CDK10: variants seen among roughly 807,000 people sequenced by gnomAD.
CDK10 encodes cyclin dependent kinase 10, also known as cyclin-dependent kinase 10.
CDK10 carries 55 observed loss-of-function variants against 51.0 expected under a neutral mutation model. The observed-to-expected ratio is 1.08, with a 90% CI of 0.87 to 1.35. The LOEUF is 1.35. CDK10 is among the 40% of genes most tolerant of loss of function. The pLI is 0.00. For synonymous variants in CDK10, 255 were observed against 199.1 expected (o/e 1.28, Z -2.36); for missense variants, 589 against 485.1 (o/e 1.21, Z -2.01).
chr16:89,693,345 A>T lies in CDK10; in HGVS notation c.538+19A>T. The stretch of plus-strand genomic sequence containing the variant: ...AAGACAGGTGGGTGCAACTTGGGCC[A>T]GGCCCTGTCCCTAGATGGCACTTGG... On this transcript the variant is annotated intron_variant, in intron 7 of 12. Coordinates refer to ENST00000353379, the MANE Select transcript of CDK10 (RefSeq NM_052988.5). 6.2e-7 allele frequency: 1 copy of T among 1,614,130 alleles called. No individual in the cohort carries two copies. The highest frequency in any genetic ancestry group is 8.5e-7 in the Non-Finnish European group (1 of 1,180,028).
chr16:89,694,109 C>G, intron 8 of CDK10, 64 bp from the exon 9 acceptor site: 1 of 1,523,228 alleles, frequency 6.6e-7, no homozygotes, highest in Non-Finnish European at 9.1e-7. Flanking sequence ...GAGGCTGTGT[C>G]CTGTGGAGGC....
Position 89,690,488 on chromosome 16 carries a change from T to C in CDK10, c.161-65T>C, listed in dbSNP as rs917013328. 6.3e-6 allele frequency: 9 copies of C among 1,433,168 alleles called. No homozygotes were observed. In the African/African-American group the frequency reaches 1.3e-4, roughly 20 times the overall value. The allele number at this position is 1,433,168 out of a possible 1,614,324, so 88.8% of individuals were successfully genotyped here. A position where few individuals can be genotyped will look rare whatever the true frequency, so the allele number is the denominator to read the frequency against. ...CCTGTGGCTCAGGGAGAGCCTCCCGTTCAGCGCTAGGGAGCCCACGAGGGG... is the reference window on the plus strand; with the variant it reads ...CCTGTGGCTCAGGGAGAGCCTCCCGCTCAGCGCTAGGGAGCCCACGAGGGG... On this transcript the variant is annotated intron_variant, in intron 2 of 12. Coordinates refer to ENST00000353379, the MANE Select transcript of CDK10 (RefSeq NM_052988.5).
In CDK10 at chr16:89,695,587, C is replaced by G. The variant is rs1258120288; in HGVS notation, c.986-8C>G. 3 of 1,599,648 alleles carry G rather than the reference C, an allele frequency of 1.9e-6. No homozygotes were observed. Among genetic ancestry groups the G allele is most frequent in the East Asian group, 2.3e-5 (1 of 43,894 alleles). ...GCCCCGCCCAGCACTGAACCCTTCT[C>G]CCTGCAGCCTGTGAGCCGGAGCTCA... is the stretch of plus-strand genomic sequence containing the variant. On this transcript the variant is annotated splice_region_variant and splice_polypyrimidine_tract_variant and intron_variant, in intron 12 of 12. Transcript: ENST00000353379.
chr16:89,691,300 T>A (rs2060435003), intron 3 of CDK10, 143 bp from the exon 4 acceptor site: 6 of 564,546 alleles, frequency 1.1e-5, no homozygotes, highest in Non-Finnish European at 1.8e-5. Context: ...AAAAAAATGC[T>A]TATTGGGGTC....
chr16:89,689,144 T>G, intron 1 of CDK10, 108 bp from the exon 2 acceptor site: 1 of 979,526 alleles, frequency 1.0e-6, no homozygotes, highest in Non-Finnish European at 1.6e-6. Flanking sequence ...CCTTTCTGTT[T>G]GGTGAGCAAG....
At chr16:89,689,649 G>T in intron 2 of CDK10, 1 of 293,490 alleles carries the variant, frequency 3.4e-6, no homozygotes, top group Non-Finnish European at 6.6e-6. Flanking sequence ...TATCACCTCA[G>T]CAACTCTGGA....
rs753023971 is a variant in CDK10, at chr16:89,691,402, A to G, written c.233-41A>G. ...TGGCTGGGGTTGGGGCTTCCCCGCC[A>G]TCACTGGGGTGGGGCTCGCTGAGGC... On this transcript the variant is annotated intron_variant, in intron 3 of 12. Transcript: ENST00000353379. The G allele has an allele frequency of 5.4e-6, 8 of 1,491,610 alleles. No homozygotes were observed. The East Asian group carries it at 1.6e-4, about 30-fold the overall frequency. The allele number at this position is 1,491,610 out of a possible 1,614,324, so 92.4% of individuals were successfully genotyped here.
Position 89,695,806 on chromosome 16 carries a change from G to A in CDK10, c.*114G>A. ...CGCCCGGGATCCAGCTCATCCCCTT[G>A]GCTGGGAACATCCTCCACTGACTTC... On this transcript the variant is annotated 3_prime_UTR_variant, in exon 13 of 13. Coordinates refer to ENST00000353379, the MANE Select transcript of CDK10 (RefSeq NM_052988.5). The A allele has an allele frequency of 6.4e-7, 1 of 1,556,772 alleles. No individual in the cohort carries two copies. Among genetic ancestry groups the A allele is most frequent in the Non-Finnish European group, 8.7e-7 (1 of 1,154,434 alleles).
chr16:89,691,795 G>A lies in CDK10; in HGVS notation c.336-11G>A. The A allele has an allele frequency of 1.2e-6, 2 of 1,613,588 alleles. No individual in the cohort carries two copies. The highest frequency in any genetic ancestry group is 8.5e-7 in the Non-Finnish European group (1 of 1,179,540). ...GGCCGGAGAGTGGCATGCATCTTCT[G>A]TTTCTTCCAGCATCTTCCTGGTGAT... On this transcript the variant is annotated splice_polypyrimidine_tract_variant and intron_variant, in intron 4 of 12. Transcript: ENST00000353379.
chr16:89,694,292 C>A, intron 9 of CDK10, 60 bp downstream of exon 9: 1 of 1,547,744 alleles, frequency 6.5e-7, no homozygotes, highest in Non-Finnish European at 8.9e-7. Context: ...GGAGCCGGGT[C>A]ACCTGGTTCC....
rs930774356 is a variant in CDK10, at chr16:89,696,164, C to T, written c.*472C>T. 3.7e-5 allele frequency: 14 copies of T among 380,642 alleles called. No homozygotes were observed. The highest frequency in any genetic ancestry group is 2.9e-4 in the African/African-American group (14 of 48,520). 23.6% of individuals were successfully genotyped at this position (380,642 alleles called of 1,614,324 possible). A position where few individuals can be genotyped will look rare whatever the true frequency, so the allele number is the denominator to read the frequency against. ...ACCCCAGGTGGGCCTGGCAGGACTCCAGATGAGGACAAGAGGGACAAGGTA... is the reference window on the plus strand; with the variant it reads ...ACCCCAGGTGGGCCTGGCAGGACTCTAGATGAGGACAAGAGGGACAAGGTA... On this transcript the variant is annotated 3_prime_UTR_variant, in exon 13 of 13. Transcript: ENST00000353379.
rs56242003 is a variant in CDK10, at chr16:89,695,682, G to A, written c.1073G>A (p.Cys358Tyr). 7,562 of 1,597,992 alleles carry A rather than the reference G, an allele frequency of 4.7e-3. 24 individuals carry two copies. The highest frequency in any genetic ancestry group is 5.7e-3 in the Non-Finnish European group (6,653 of 1,174,504). Residue 358 changes from cysteine (C) to tyrosine (Y), a missense_variant, in exon 13 of 13, where the codon TGT becomes TAT. Coordinates refer to ENST00000353379, the MANE Select transcript of CDK10 (RefSeq NM_052988.5). ...ACCTCCGAGGGCCAGAGCAAGCGCT[G>A]TAAACCCTGACGGTGGGCCTGGCAC... ...PATSEGQSKRCKP is the reference protein window; with the variant it reads ...PATSEGQSKRYKP
intron 1 of CDK10, among the ~76,000 whole-genome samples, chr16:89,688,670 A>T (rs78764795): frequency 0.071 from 10,779 of 152,292 alleles, 531 homozygotes; most frequent in Middle Eastern, 0.15. Flanking sequence ...GGAGGTAGTG[A>T]TACAGGGATG....
chr16:89,691,767 G>C (rs761149490), intron 4 of CDK10, 39 bp from the exon 5 acceptor site: 1 of 1,588,048 alleles, frequency 6.3e-7, no homozygotes, highest in Non-Finnish European at 8.6e-7. Flanking sequence ...CCCCTTAGGA[G>C]AAGGCCGGAG....
chr16:89,689,233 C>T lies in CDK10; in HGVS notation c.88-19C>T. On this transcript the variant is annotated intron_variant, in intron 1 of 12. Transcript: ENST00000353379. The stretch of plus-strand genomic sequence containing the variant: ...ATCAGCTGCCAAATTTCCACACTGG[C>T]AACACCCTTCTGTTTCAGCTGGGAC... 1.9e-6 allele frequency: 3 copies of T among 1,613,446 alleles called. No homozygotes were observed. Among genetic ancestry groups the T allele is most frequent in the Non-Finnish European group, 2.5e-6 (3 of 1,179,456 alleles).
Position 89,696,023 on chromosome 16 carries a change from T to G in CDK10, c.*331T>G. 2 of 590,668 alleles carry G rather than the reference T, an allele frequency of 3.4e-6. No individual in the cohort carries two copies. Among genetic ancestry groups the G allele is most frequent in the Non-Finnish European group, 6.1e-6 (2 of 329,940 alleles). The allele number at this position is 590,668 out of a possible 1,614,324, so 36.6% of individuals were successfully genotyped here. On this transcript the variant is annotated 3_prime_UTR_variant, in exon 13 of 13. Coordinates refer to ENST00000353379, the MANE Select transcript of CDK10 (RefSeq NM_052988.5). ...TTCTTGGGAGGAGTGGTGGGTGCAGTCCCCCCGCTGTCTTTGAGTTGTGGT... is the reference window on the plus strand; with the variant it reads ...TTCTTGGGAGGAGTGGTGGGTGCAGGCCCCCCGCTGTCTTTGAGTTGTGGT...
At chr16:89,689,516 C>T (rs755550304) in intron 2 of CDK10, 192 bp downstream of exon 2, 31 of 590,274 alleles carry the variant, frequency 5.3e-5, no homozygotes, top group Admixed American at 8.7e-5. Flanking sequence ...TCTGGGTAAA[C>T]GTAAGCATCC....
chr16:89,695,255 C>A, intron 11 of CDK10, 38 bp from the exon 12 acceptor site: 2 of 1,586,686 alleles, frequency 1.3e-6, no homozygotes, highest in Non-Finnish European at 1.7e-6. Context: ...GAGGAAGCCG[C>A]ACTCACAAGT....
In CDK10 at chr16:89,696,207, T is replaced by C. The variant is rs1267405233; in HGVS notation, c.*515T>C. On this transcript the variant is annotated 3_prime_UTR_variant, in exon 13 of 13. Transcript: ENST00000353379. ...ACAAGGTATGGGGTGGGAGCCACAA[T>C]TGAGGATACCCCGAGACTACCAGGA... The C allele has an allele frequency of 1.1e-5, 3 of 283,788 alleles. No individual in the cohort carries two copies. Among genetic ancestry groups the C allele is most frequent in the Middle Eastern group, 1.1e-3 (1 of 876 alleles). The allele number at this position is 283,788 out of a possible 1,614,324, so 17.6% of individuals were successfully genotyped here. A position where few individuals can be genotyped will look rare whatever the true frequency, so the allele number is the denominator to read the frequency against.
Sources: allele counts gnomAD v4.1 joint callset (sites outside exome capture counted in the v4.1 genomes callset), GRCh38; gene constraint gnomAD v4.1.1; transcripts MANE v1.5; gene names NCBI Gene and HGNC (gene_info 2026-07-23, HGNC 2026-07-21).